CHIC2: variants seen among roughly 807,000 people sequenced by gnomAD.
CHIC2 encodes the protein cysteine rich hydrophobic domain 2, also known as cysteine-rich hydrophobic domain-containing protein 2.
A neutral mutation model predicts 25.9 loss-of-function variants in CHIC2; 14 were observed. That is an observed-to-expected ratio of 0.54 (90% CI 0.36 to 0.85). CHIC2 has a LOEUF of 0.85. Among genes scored for constraint, CHIC2 ranks in the 40% least tolerant of loss-of-function variants. CHIC2 has a pLI of 0.01. For synonymous variants in CHIC2, 70 were observed against 72.0 expected, an observed-to-expected ratio of 0.97 and a Z score of 0.14; for missense variants, 146 against 202.0, an observed-to-expected ratio of 0.72 and a Z score of 1.68.
At chr4:54,024,362 C>T (rs1157741210) in intron 3 of CHIC2, among the ~76,000 whole-genome samples, 1 of 152,132 alleles carries the variant, frequency 6.6e-6, no homozygotes, top group Non-Finnish European at 1.5e-5. Context: ...GCTGACAGAA[C>T]ACACTCCAAT....
intron 5 of CHIC2, among the ~76,000 whole-genome samples, chr4:54,011,271 CTAT>C (rs1435497680): frequency 2.6e-5 from 4 of 152,110 alleles, no homozygotes; most frequent in Non-Finnish European, 5.9e-5. Flanking sequence ...AGATACACTT[CTAT>C]ACCTGGCTCA....
At chr4:54,011,957 G>C (rs1715607199) in intron 5 of CHIC2, among the ~76,000 whole-genome samples, 1 of 151,758 alleles carries the variant, frequency 6.6e-6, no homozygotes, top group African/African-American at 2.4e-5. Flanking sequence ...GGTTAAAAAG[G>C]CCCAAATTCA....
chr4:54,021,492 G>A (rs1461016143), intron 3 of CHIC2, among the ~76,000 whole-genome samples: 2 of 151,938 alleles, frequency 1.3e-5, no homozygotes, highest in East Asian at 3.9e-4. Flanking sequence ...TTCTTCCTCA[G>A]CCTCTGCTCC....
At position 54,013,838 on chromosome 4, in the gene CHIC2, T is replaced by C. The variant is rs1184296732; in HGVS notation, c.446A>G (p.Tyr149Cys). 2 of 1,612,948 alleles carry C rather than the reference T, an allele frequency of 1.2e-6. No individual in the cohort carries two copies. The highest frequency in any genetic ancestry group is 1.7e-5 in the Admixed American group (1 of 59,924). ...RKCETNNMME[Y>C]VILIEFLPKT... ...TCACAAAACAGCCCTTTAACTTACA[T>C]ATTCCATCATGTTATTCGTTTCACA... The change falls in exon 5 of 6, where the codon TAT (tyrosine) becomes TGT (cysteine). Residue 149 changes from tyrosine to cysteine, a missense_variant and splice_region_variant. Tyr to Cys is a radical substitution (Grantham distance 194). Coordinates refer to ENST00000263921, the MANE Select transcript of CHIC2 (RefSeq NM_012110.4).
chr4:54,057,576 G>A (rs1162368794), intron 1 of CHIC2, among the ~76,000 whole-genome samples: 1 of 152,060 alleles, frequency 6.6e-6, no homozygotes, highest in African/African-American at 2.4e-5. Flanking sequence ...TTCCTTCAGT[G>A]CAACTTTATC....
intron 3 of CHIC2, among the ~76,000 whole-genome samples, chr4:54,039,815 CA>C (rs1291510943): frequency 2.0e-5 from 3 of 152,138 alleles, no homozygotes; most frequent in Non-Finnish European, 4.4e-5. Context: ...AATGGATAAA[CA>C]AACTGTGATA....
chr4:54,088,562 C>A, the CHIC2 span, among the ~76,000 whole-genome samples: 1 of 152,036 alleles, frequency 6.6e-6, no homozygotes, highest in Non-Finnish European at 1.5e-5. Flanking sequence ...CTAGAGAGGG[C>A]CAGACCAGCA....
chr4:54,088,166 C>A, the CHIC2 span, among the ~76,000 whole-genome samples: 3 of 152,034 alleles, frequency 2.0e-5, no homozygotes, highest in African/African-American at 7.3e-5. Flanking sequence ...GATATATATA[C>A]CCAAAAACCC....
At chr4:54,089,931 C>T in the CHIC2 span, among the ~76,000 whole-genome samples, 13 of 152,242 alleles carry the variant, frequency 8.5e-5, no homozygotes, top group Admixed American at 6.5e-4. Flanking sequence ...GTACTTAAAA[C>T]ATATTGCTTC....
At chr4:54,018,874 A>C (rs1022786949) in intron 3 of CHIC2, among the ~76,000 whole-genome samples, 2 of 152,018 alleles carry the variant, frequency 1.3e-5, no homozygotes, top group African/African-American at 4.8e-5. Context: ...CAAATGTTCA[A>C]TTCCCTACTT....
In CHIC2 at chr4:54,064,232, G is replaced by A. The variant is rs1265714083; in HGVS notation, c.69C>T (p.Leu23=). 9 of 1,609,176 alleles carry A rather than the reference G, an allele frequency of 5.6e-6. No individual in the cohort carries two copies. The highest frequency in any genetic ancestry group is 1.3e-5 in the African/African-American group (1 of 74,802). ...DEERALEEQL[L]KYSPDPVVVR... ...CGACCACCGGGTCCGGCGAGTACTT[G>A]AGCAGCTGCTCCTCCAGGGCCCGCT... The change falls in exon 1 of 6, where the codon CTC becomes CTT. Residue 23 remains leucine (L), a synonymous_variant. Transcript: ENST00000263921. This position sits in a 1 kb window ranked among gnomAD's most constrained non-coding sequence, Gnocchi z 4.2.
intron 1 of CHIC2, among the ~76,000 whole-genome samples, chr4:54,051,462 T>C (rs1168963522): frequency 6.6e-6 from 1 of 152,142 alleles, no homozygotes; most frequent in African/African-American, 2.4e-5. Context: ...GTAAGTTCTC[T>C]TTTCCATGCT....
At chr4:54,087,351 A>C in the CHIC2 span, 3 of 569,150 alleles carry the variant, frequency 5.3e-6, no homozygotes, top group Non-Finnish European at 6.3e-6. Context: ...ACCAAGCAGA[A>C]GCAGCTGTTT....
the CHIC2 span, among the ~76,000 whole-genome samples, chr4:54,091,337 AAG>A: frequency 6.6e-6 from 1 of 152,144 alleles, no homozygotes; most frequent in Non-Finnish European, 1.5e-5. Context: ...GCACCCCACC[AAG>A]AGGAAGGCGT....
chr4:54,078,925 C>T, the CHIC2 span, among the ~76,000 whole-genome samples: 1,499 of 152,060 alleles, frequency 9.9e-3, 24 homozygotes, highest in African/African-American at 0.034. Flanking sequence ...GTTAAAACTT[C>T]CCCTTACAGA....
the CHIC2 span, chr4:54,087,498 T>A: frequency 9.9e-7 from 1 of 1,013,540 alleles, no homozygotes; most frequent in South Asian, 2.7e-5. Flanking sequence ...TTCGACGTGA[T>A]GTTAGGCACT....
At chr4:54,061,447 T>C (rs1387287138) in intron 1 of CHIC2, among the ~76,000 whole-genome samples, 1 of 152,092 alleles carries the variant, frequency 6.6e-6, no homozygotes, top group African/African-American at 2.4e-5. Context: ...TGATCTAGAC[T>C]ACAGATGATT....
chr4:54,011,475 G>A (rs554551516), intron 5 of CHIC2, among the ~76,000 whole-genome samples: 75 of 152,074 alleles, frequency 4.9e-4, no homozygotes, highest in Non-Finnish European at 9.7e-4. Context: ...TAAAAGCATT[G>A]AACTAGATAA....
chr4:54,060,236 G>C (rs1717290784), intron 1 of CHIC2: 1 of 152,078 alleles, frequency 6.6e-6, no homozygotes, highest in African/African-American at 2.4e-5. Flanking sequence ...ACATTTTCAA[G>C]TCACATTTCT....
Sources: allele counts gnomAD v4.1 joint callset (sites outside exome capture counted in the v4.1 genomes callset), GRCh38; gene constraint gnomAD v4.1.1; non-coding constraint Gnocchi (gnomAD v3.1); transcripts MANE v1.5; gene names NCBI Gene and HGNC (gene_info 2026-07-23, HGNC 2026-07-21).